Variants in TMC1 observed in about 807,000 individuals in gnomAD.
The protein encoded by TMC1 is transmembrane channel-like protein 1.
Under a neutral mutation model 105.8 loss-of-function variants are expected in TMC1, and 84 were observed. That is an observed-to-expected ratio of 0.79 (90% CI 0.67 to 0.95). The LOEUF (loss-of-function observed/expected upper bound fraction) is 0.95. Among genes scored for constraint, TMC1 ranks in the 40% least tolerant of loss-of-function variants. TMC1 has a pLI of 0.00. For missense variants in TMC1, 817 were observed against 914.1 expected (o/e 0.89, Z 1.37); for synonymous variants, 315 against 311.5 (o/e 1.01, Z -0.12).
intron 6 of TMC1, among the ~76,000 whole-genome samples, chr9:72,692,846 C>T (rs559652129): frequency 2.0e-4 from 30 of 152,164 alleles, no homozygotes; most frequent in Non-Finnish European, 2.5e-4. Context: ...GGGCCGGGTG[C>T]GATACCTCAC....
In TMC1 at chr9:72,651,092, TA is replaced by T. The variant is rs890151482; in HGVS notation, c.16+2429del. ...ATATATCTATATAAAAATATATAGA[TA>T]TATATATCACATATATATAGCACAT... On this transcript the variant is annotated intron_variant, in intron 5 of 23. Coordinates refer to ENST00000297784, the MANE Select transcript of TMC1 (RefSeq NM_138691.3). 3.2e-3 allele frequency: 469 copies of T among 147,586 alleles called. 3 individuals are homozygous for T. The highest frequency in any genetic ancestry group is 0.011 in the African/African-American group (441 of 40,484). 9.1% of individuals were successfully genotyped at this position (147,586 alleles called of 1,614,324 possible).
chr9:72,548,569 A>G (rs1823809437), intron 1 of TMC1, among the ~76,000 whole-genome samples: 1 of 148,090 alleles, frequency 6.8e-6, no homozygotes, highest in South Asian at 2.1e-4. Context: ...TCTGTCTTAA[A>G]AAAAAAAAAA....
intron 5 of TMC1, among the ~76,000 whole-genome samples, chr9:72,660,676 A>C (rs1225488753): frequency 6.6e-6 from 1 of 152,192 alleles, no homozygotes; most frequent in Non-Finnish European, 1.5e-5. Flanking sequence ...ATGAATAGAC[A>C]AGGCTCTTCT....
chr9:72,675,442 G>A (rs1368957583), intron 5 of TMC1, among the ~76,000 whole-genome samples: 2 of 152,080 alleles, frequency 1.3e-5, no homozygotes, highest in East Asian at 1.9e-4. Context: ...TCCATCCCAT[G>A]TGAGGGAAAA....
In TMC1 at chr9:72,791,882, G is replaced by A. The variant is rs748963889; in HGVS notation, c.1225-4G>A. Reference sequence around the variant, plus strand: ...CCTAGTTTCTCCCTTGTGCCTCCTTGTAGATGAACATGGTTATGTCCCTCC... The same window carrying A: ...CCTAGTTTCTCCCTTGTGCCTCCTTATAGATGAACATGGTTATGTCCCTCC... On this transcript the variant is annotated splice_region_variant and splice_polypyrimidine_tract_variant and intron_variant, in intron 15 of 23. Transcript: ENST00000297784. The A allele has an allele frequency of 3.7e-6, 6 of 1,611,476 alleles. No individual in the cohort carries two copies. The African/African-American group carries it at 6.7e-5, about 18-fold the overall frequency.
chr9:72,612,116 A>G (rs779562805), intron 2 of TMC1, among the ~76,000 whole-genome samples: 5 of 152,178 alleles, frequency 3.3e-5, no homozygotes, highest in Non-Finnish European at 5.9e-5. Context: ...CAGGGTCATC[A>G]GGATCCTTTC....
intron 5 of TMC1, among the ~76,000 whole-genome samples, chr9:72,655,614 C>G (rs1825871087): frequency 6.6e-6 from 1 of 151,886 alleles, no homozygotes; most frequent in Non-Finnish European, 1.5e-5. Context: ...TGGTGGTGGG[C>G]GCCTGTAGTC....
At chr9:72,638,128 TCTC>T (rs1308246215) in intron 4 of TMC1, among the ~76,000 whole-genome samples, 1 of 152,010 alleles carries the variant, frequency 6.6e-6, no homozygotes, top group Admixed American at 6.5e-5. Context: ...CCTATCCTGG[TCTC>T]CTGTCTGAAA....
intron 8 of TMC1, 70 bp downstream of exon 8, chr9:72,700,713 CATATATATATATATAT>C (rs72200654): frequency 3.1e-5 from 10 of 321,016 alleles, no homozygotes; most frequent in African/African-American, 5.7e-5. Context: ...CTGAATATTC[CATATATATATATATAT>C]ATATATATAT....
intron 5 of TMC1, among the ~76,000 whole-genome samples, chr9:72,656,600 T>G (rs936504068): frequency 2.0e-5 from 3 of 152,220 alleles, no homozygotes; most frequent in African/African-American, 7.2e-5. Flanking sequence ...CTGTTTCTAT[T>G]GATTGATTTG....
intron 3 of TMC1, among the ~76,000 whole-genome samples, chr9:72,624,197 C>T (rs549144517): frequency 3.9e-5 from 6 of 152,136 alleles, no homozygotes; most frequent in Non-Finnish European, 8.8e-5. Context: ...CAAATATGAC[C>T]ATGCATAGCA....
At chr9:72,643,383 C>T (rs986455252) in intron 4 of TMC1, among the ~76,000 whole-genome samples, 5 of 152,090 alleles carry the variant, frequency 3.3e-5, no homozygotes, top group Admixed American at 6.5e-5. Flanking sequence ...TACTCATTTA[C>T]AACTTGAAAA....
intron 7 of TMC1, among the ~76,000 whole-genome samples, chr9:72,695,235 G>A (rs1588035999): frequency 6.6e-6 from 1 of 152,248 alleles, no homozygotes; most frequent in South Asian, 2.1e-4. Flanking sequence ...TAGAAAGAAA[G>A]TGTGCTAGCC....
At chr9:72,650,901 T>TATATATATATATATATATATAA (rs1825800851) in intron 5 of TMC1, among the ~76,000 whole-genome samples, 3 of 142,538 alleles carry the variant, frequency 2.1e-5, no homozygotes, top group Non-Finnish European at 4.6e-5. Context: ...GATATATATA[T>TATATATATATATATATATATAA]AAATATATAT....
chr9:72,592,611 T>C (rs1400247242), intron 2 of TMC1, among the ~76,000 whole-genome samples: 2 of 152,206 alleles, frequency 1.3e-5, no homozygotes, highest in African/African-American at 4.8e-5. Flanking sequence ...GCGTGTTTCC[T>C]TCTGAAGCAC....
intron 12 of TMC1, among the ~76,000 whole-genome samples, chr9:72,760,483 G>C (rs909078787): frequency 6.6e-6 from 1 of 152,088 alleles, no homozygotes; most frequent in Admixed American, 6.5e-5. Flanking sequence ...ATTTAAGCTA[G>C]AGCCGTTATC....
intron 8 of TMC1, among the ~76,000 whole-genome samples, chr9:72,737,503 G>C (rs1827320085): frequency 6.6e-6 from 1 of 152,088 alleles, no homozygotes; most frequent in Non-Finnish European, 1.5e-5. Flanking sequence ...CCTTGCCTAG[G>C]TCTGTGTGAG....
At chr9:72,821,952 G>T (rs1828882419) in intron 20 of TMC1, among the ~76,000 whole-genome samples, 1 of 152,132 alleles carries the variant, frequency 6.6e-6, no homozygotes, top group Non-Finnish European at 1.5e-5. Context: ...AAAAATTAAG[G>T]CTGTTCCACA....
chr9:72,602,092 G>A (rs573238687), intron 2 of TMC1, among the ~76,000 whole-genome samples: 3 of 152,258 alleles, frequency 2.0e-5, no homozygotes, highest in East Asian at 3.9e-4. Context: ...GTGGTGTCAA[G>A]TCAATGCTCA....
Sources: gnomAD v4.1 joint callset for allele counts (sites outside exome capture counted in the v4.1 genomes callset) on GRCh38, gnomAD v4.1.1 for gene constraint, MANE v1.5 for transcripts, NCBI Gene and HGNC (gene_info 2026-07-23, HGNC 2026-07-21) for gene names.